The following MYO16 variants were observed in gnomAD, a reference collection of about 807,000 sequenced individuals.
The protein encoded by MYO16 is unconventional myosin-XVI.
A neutral mutation model predicts 205.3 loss-of-function variants in MYO16; 94 were observed. The observed-to-expected ratio is 0.46, with a 90% confidence interval of 0.39 to 0.54. The LOEUF is 0.54. Among genes scored for constraint, MYO16 ranks in the 20% least tolerant of loss-of-function variants. The pLI, the probability that MYO16 is intolerant of heterozygous loss-of-function variation, is 0.00. For synonymous variants in MYO16, 988 were observed against 954.0 expected (o/e 1.04, Z -0.66); for missense variants, 2,315 against 2,387.5 (o/e 0.97, Z 0.63).
chr13:109,189,529 T>A (rs1239835386), intron 34 of MYO16, among the ~76,000 whole-genome samples: 2 of 152,236 alleles, frequency 1.3e-5, no homozygotes, highest in African/African-American at 4.8e-5. Context: ...TATATGAACA[T>A]CTAATTTCAG....
chr13:108,960,004 G>A (rs535217383), intron 17 of MYO16, among the ~76,000 whole-genome samples: 3 of 151,852 alleles, frequency 2.0e-5, no homozygotes, highest in East Asian at 3.9e-4. Context: ...TGGGCATGGT[G>A]GTGCACGCCT....
At chr13:108,574,081 G>A in the MYO16 span, among the ~76,000 whole-genome samples, 9,936 of 152,184 alleles carry the variant, frequency 0.065, 382 homozygotes, top group Admixed American at 0.12. Context: ...TCAAACTTCT[G>A]GGTTCAAGCC....
intron 16 of MYO16, among the ~76,000 whole-genome samples, chr13:108,920,665 G>A (rs1167113428): frequency 1.3e-5 from 2 of 152,054 alleles, no homozygotes; most frequent in Admixed American, 6.6e-5. Flanking sequence ...CACCATGTTG[G>A]CCAGGCTGGT....
At chr13:108,935,446 A>G (rs1227935348) in intron 16 of MYO16, among the ~76,000 whole-genome samples, 1 of 152,124 alleles carries the variant, frequency 6.6e-6, no homozygotes, top group African/African-American at 2.4e-5. Context: ...AATGCTACAG[A>G]TTTTTCTACA....
intron 11 of MYO16, among the ~76,000 whole-genome samples, chr13:108,856,186 C>T (rs769802827): frequency 1.3e-5 from 2 of 152,052 alleles, no homozygotes; most frequent in African/African-American, 4.8e-5. Context: ...AAATCAATCT[C>T]TTTCTCTTTC....
chr13:109,019,797 T>C lies in MYO16; in HGVS notation c.2682T>C (p.Ser894=), dbSNP rs749909139. 1.5e-5 allele frequency: 24 copies of C among 1,613,848 alleles called. No homozygotes were observed. The Admixed American group carries it at 4.0e-4, about 27-fold the overall frequency. Residue 894 remains serine, a synonymous_variant, in exon 23 of 35, where the codon AGT becomes AGC. Coordinates refer to ENST00000457511, the MANE Select transcript of MYO16 (RefSeq NM_001198950.3). ...CAAATTTTCCAAAAAAACTACAAAG[T>C]CTCCTAGAATCCTCAAACACAAATG... is the stretch of plus-strand genomic sequence containing the variant. ...VESNFPKKLQ[S]LLESSNTNAV... is the part of the protein sequence containing the mutation.
chr13:109,093,022 GT>G lies in MYO16; in HGVS notation c.3336-7755del, dbSNP rs374322718. ...AATTTTGTAAGATACTATGATTTCT[GT>G]TTTTTTTAGTGTTATAGTCACAATA... On this transcript the variant is annotated intron_variant, in intron 27 of 34. Coordinates refer to ENST00000457511, the MANE Select transcript of MYO16 (RefSeq NM_001198950.3). Among the ~76,000 whole-genome samples the G allele has an allele frequency of 5.9e-5, 9 of 151,818 alleles. No homozygotes were observed. In the South Asian group the frequency reaches 1.0e-3, roughly 18 times the overall value.
intron 12 of MYO16, among the ~76,000 whole-genome samples, chr13:108,875,733 T>G (rs1269301172): frequency 6.6e-6 from 1 of 152,044 alleles, no homozygotes; most frequent in Non-Finnish European, 1.5e-5. Flanking sequence ...GTTTTTAAAT[T>G]GAAAACCCTA....
chr13:108,771,670 G>C (rs1005419933), intron 4 of MYO16, among the ~76,000 whole-genome samples: 2 of 152,082 alleles, frequency 1.3e-5, no homozygotes, highest in Admixed American at 1.3e-4. Flanking sequence ...CCCATCTCCT[G>C]ACAATTACCA....
chr13:108,674,565 G>A (rs1461405824), intron 2 of MYO16, among the ~76,000 whole-genome samples: 3 of 152,128 alleles, frequency 2.0e-5, no homozygotes, highest in Admixed American at 6.6e-5. Flanking sequence ...TTGAAAATGC[G>A]ATGCTCTATA....
intron 4 of MYO16, among the ~76,000 whole-genome samples, chr13:108,756,669 C>T (rs1431599458): frequency 6.6e-6 from 1 of 151,828 alleles, no homozygotes; most frequent in Non-Finnish European, 1.5e-5. Flanking sequence ...AAGGAATTCA[C>T]ATTTATTTTA....
chr13:108,603,201 T>A (rs1375120517), intron 1 of MYO16, among the ~76,000 whole-genome samples: 1 of 152,154 alleles, frequency 6.6e-6, no homozygotes, highest in Admixed American at 6.6e-5. Context: ...GTGTTGGAGA[T>A]GAAGAGACAG....
the MYO16 span, among the ~76,000 whole-genome samples, chr13:108,527,524 T>C: frequency 6.6e-6 from 1 of 152,128 alleles, no homozygotes; most frequent in Non-Finnish European, 1.5e-5. Flanking sequence ...AATGGCTGAG[T>C]CAAAGAATAT....
At chr13:109,146,486 T>A (rs556223142) in intron 32 of MYO16, among the ~76,000 whole-genome samples, 1 of 152,262 alleles carries the variant, frequency 6.6e-6, no homozygotes, top group African/African-American at 2.4e-5. Flanking sequence ...TTTAAGTGCA[T>A]CCCAATGTCA....
At chr13:109,160,437 C>T (rs1269934571) in intron 32 of MYO16, among the ~76,000 whole-genome samples, 3 of 152,188 alleles carry the variant, frequency 2.0e-5, no homozygotes, top group African/African-American at 7.2e-5. Flanking sequence ...TGATTCAATT[C>T]TCTCGTACCT....
chr13:109,022,324 AATATATATTTATATATTATATACAAAT>A (rs1328106627), intron 23 of MYO16, among the ~76,000 whole-genome samples: 3 of 119,820 alleles, frequency 2.5e-5, no homozygotes, highest in Non-Finnish European at 4.8e-5. Flanking sequence ...ATTATATACA[AATATATATTTATATATTATATACAAAT>A]ATATATGTAT....
At chr13:108,701,660 A>T (rs1254141677) in intron 2 of MYO16, among the ~76,000 whole-genome samples, 3 of 152,238 alleles carry the variant, frequency 2.0e-5, no homozygotes, top group Admixed American at 2.0e-4. Context: ...ATTATGAGAT[A>T]TTCAAATAAA....
At chr13:109,025,259 T>C (rs1886327060) in intron 23 of MYO16, among the ~76,000 whole-genome samples, 1 of 152,194 alleles carries the variant, frequency 6.6e-6, no homozygotes, top group African/African-American at 2.4e-5. Context: ...GGGACTCGCC[T>C]ATCCTGAAAG....
rs745896121 is a variant in MYO16, at chr13:108,961,612, A to T, written c.2111A>T (p.Glu704Val). 3.1e-6 allele frequency: 5 copies of T among 1,614,096 alleles called. No homozygotes were observed. In the South Asian group the frequency reaches 4.4e-5, roughly 14 times the overall value. Reference protein sequence around the residue: ...LGDIRFTALNEGNSAFVSDLQ... With the variant: ...LGDIRFTALNVGNSAFVSDLQ... ...GACATTCGGTTTACTGCCCTGAATG[A>T]GGGGAACTCCGCCTTCGTTTCTGAC... The change falls in exon 18 of 35, where the codon GAG (glutamate) becomes GTG (valine). Residue 704 changes from glutamate to valine, a missense_variant. Around this residue, in one of 3 missense-constraint regions of MYO16, gnomAD observed 1,213 missense variants for 1,274.4 expected, o/e 0.95. Coordinates refer to ENST00000457511, the MANE Select transcript of MYO16 (RefSeq NM_001198950.3).
Sources: gnomAD v4.1 joint callset for allele counts (sites outside exome capture counted in the v4.1 genomes callset) on GRCh38, gnomAD v4.1.1 for gene constraint, gnomAD v4.1.1 regional missense constraint, MANE v1.5 for transcripts, NCBI Gene and HGNC (gene_info 2026-07-23, HGNC 2026-07-21) for gene names.